The following TANC2 variants were observed in gnomAD, a reference collection of about 807,000 sequenced individuals.
The protein encoded by TANC2 is protein TANC2.
A neutral mutation model predicts 210.5 loss-of-function variants in TANC2; 26 were observed. The ratio of observed to expected loss-of-function variants is 0.12; its 90% CI spans 0.09 to 0.17. The LOEUF (loss-of-function observed/expected upper bound fraction) is 0.17, where lower values mean the gene tolerates loss of function less well. Among genes scored for constraint, TANC2 ranks in the 10% least tolerant of loss-of-function variants. TANC2 has a pLI of 1.00. For synonymous variants in TANC2, 931 were observed against 967.1 expected, an observed-to-expected ratio of 0.96 and a Z score of 0.69; for missense variants, 2,129 against 2,608.9, an observed-to-expected ratio of 0.82 and a Z score of 4.01.
intron 11 of TANC2, among the ~76,000 whole-genome samples, chr17:63,324,481 G>A (rs1185751877): frequency 2.0e-5 from 3 of 151,356 alleles, no homozygotes; most frequent in South Asian, 2.1e-4. Flanking sequence ...CCAGAAACAT[G>A]CACACACACA....
chr17:63,297,638 C>T (rs1598799945), intron 9 of TANC2, among the ~76,000 whole-genome samples: 1 of 152,018 alleles, frequency 6.6e-6, no homozygotes, highest in Non-Finnish European at 1.5e-5. Context: ...TCCTCATGAC[C>T]TTAGATTGGG....
intron 3 of TANC2, chr17:63,089,036 A>G (rs1243340743): frequency 2.6e-5 from 4 of 152,286 alleles, no homozygotes; most frequent in South Asian, 2.1e-4. Context: ...CAGACATACT[A>G]TTGAAAAGCT....
chr17:63,004,693 CA>C, intron 1 of TANC2: 1 of 312,314 alleles, frequency 3.2e-6, no homozygotes. Flanking sequence ...CCACAGTTGT[CA>C]AAAATGCACA....
chr17:63,175,709 C>T (rs2040556623), intron 5 of TANC2, among the ~76,000 whole-genome samples: 1 of 152,040 alleles, frequency 6.6e-6, no homozygotes, highest in African/African-American at 2.4e-5. Flanking sequence ...CTTCAAAATA[C>T]AGTGTTTAGA....
chr17:62,973,028 G>A lies in TANC2; in HGVS notation c.-24+6279G>A, dbSNP rs371669053. Among the ~76,000 whole-genome samples the A allele has an allele frequency of 1.5e-4, 23 of 148,856 alleles. No homozygotes were observed. The East Asian group carries it at 3.3e-3, about 22-fold the overall frequency. ...GCACTTGGTGTATATAGTAGTTGCC[G>A]CATTTTTTTTTTTTTTTTTACACGG... is the stretch of plus-strand genomic sequence containing the variant. On this transcript the variant is annotated intron_variant, in intron 1 of 27. Transcript: ENST00000689528.
intron 4 of TANC2, among the ~76,000 whole-genome samples, chr17:63,122,635 G>A (rs2038530043): frequency 6.6e-6 from 1 of 152,096 alleles, no homozygotes. Context: ...TACTTGGGTG[G>A]CACAAGAATC....
At chr17:63,241,199 T>C (rs2042764405) in intron 8 of TANC2, among the ~76,000 whole-genome samples, 1 of 152,212 alleles carries the variant, frequency 6.6e-6, no homozygotes, top group Non-Finnish European at 1.5e-5. Context: ...GAGATGGTAG[T>C]ATGAGCCAGT....
At chr17:63,156,162 T>G (rs527343092) in intron 5 of TANC2, among the ~76,000 whole-genome samples, 1 of 152,312 alleles carries the variant, frequency 6.6e-6, no homozygotes, top group East Asian at 1.9e-4. Context: ...ACCAAGAGCC[T>G]TTTCCTCCTG....
At chr17:63,073,371 TAAAAG>T (rs1568362928) in intron 2 of TANC2, among the ~76,000 whole-genome samples, 2 of 152,124 alleles carry the variant, frequency 1.3e-5, no homozygotes, top group Non-Finnish European at 2.9e-5. Flanking sequence ...GGTTATTTCT[TAAAAG>T]AAGATGTATA....
chr17:63,364,591 C>T (rs1440968076), intron 14 of TANC2, among the ~76,000 whole-genome samples: 1 of 152,114 alleles, frequency 6.6e-6, no homozygotes, highest in East Asian at 1.9e-4. Flanking sequence ...GAAGTGATGA[C>T]TTGGCAAGAA....
At position 63,339,653 on chromosome 17, in the gene TANC2, T is replaced by C. The variant is rs115605265; in HGVS notation, c.1576-448T>C. ...AACACACCTGTAATCCAAAAATTGA[T>C]AGAAGTATATGTGTTTGTTGAGACT... On this transcript the variant is annotated intron_variant, in intron 11 of 27. Coordinates refer to ENST00000689528, the Ensembl canonical transcript of TANC2. 7.6e-3 allele frequency among the ~76,000 whole-genome samples: 1,162 copies of C among 152,388 alleles called. 15 individuals are homozygous for C. The highest frequency in any genetic ancestry group is 0.025 in the African/African-American group (1,059 of 41,598).
intron 12 of TANC2, among the ~76,000 whole-genome samples, chr17:63,343,461 G>A (rs72841381): frequency 0.15 from 22,332 of 152,180 alleles, 1,994 homozygotes; most frequent in Middle Eastern, 0.21. Context: ...TAGAGAAGTA[G>A]CTATAGTCCC....
intron 6 of TANC2, among the ~76,000 whole-genome samples, chr17:63,196,117 A>T (rs937029170): frequency 1.3e-5 from 2 of 152,094 alleles, no homozygotes; most frequent in Non-Finnish European, 2.9e-5. Context: ...TTATTTTTTC[A>T]TAGCTCTTAC....
intron 1 of TANC2, chr17:62,967,648 C>T (rs2031429295): frequency 6.6e-6 from 1 of 152,122 alleles, no homozygotes; most frequent in African/African-American, 2.4e-5. Flanking sequence ...CGTATGTGCC[C>T]TTTTCCTGAT....
intron 8 of TANC2, among the ~76,000 whole-genome samples, chr17:63,264,953 C>A (rs1157812394): frequency 6.6e-6 from 1 of 151,974 alleles, no homozygotes; most frequent in African/African-American, 2.4e-5. Context: ...AGTGAGACTT[C>A]GTCTCAAAAA....
intron 5 of TANC2, chr17:63,154,945 C>T (rs1162837297): frequency 1.2e-4 from 19 of 152,100 alleles, no homozygotes; most frequent in African/African-American, 4.6e-4. Flanking sequence ...GAAAAAATTT[C>T]TGGAAGAATA....
At chr17:63,226,890 A>G (rs368979667) in intron 7 of TANC2, among the ~76,000 whole-genome samples, 1 of 152,136 alleles carries the variant, frequency 6.6e-6, no homozygotes, top group African/African-American at 2.4e-5. Context: ...GCTTAGGATA[A>G]TGGCTTTGAG....
chr17:63,034,591 G>T (rs1232962229), intron 2 of TANC2, among the ~76,000 whole-genome samples: 8 of 152,122 alleles, frequency 5.3e-5, no homozygotes, highest in Admixed American at 5.2e-4. Flanking sequence ...TGGAAATTCT[G>T]GAAAGGATTC....
intron 26 of TANC2, among the ~76,000 whole-genome samples, chr17:63,416,085 G>C (rs1358701293): frequency 1.3e-5 from 2 of 152,194 alleles, no homozygotes; most frequent in Non-Finnish European, 2.9e-5. Flanking sequence ...GGGCTAAGGA[G>C]AGGGCTTGGA....
Sources: allele counts gnomAD v4.1 joint callset (sites outside exome capture counted in the v4.1 genomes callset), GRCh38; gene constraint gnomAD v4.1.1; transcripts MANE v1.5; gene names NCBI Gene and HGNC (gene_info 2026-07-23, HGNC 2026-07-21).